The following DISP1 variants were observed in gnomAD, a reference collection of about 807,000 sequenced individuals.
The protein encoded by DISP1 is protein dispatched homolog 1.
In DISP1, 30 loss-of-function variants were observed where a neutral mutation model predicts 37.3. That is an observed-to-expected ratio of 0.80 (90% CI 0.60 to 1.09). The LOEUF is 1.09. Among genes scored for constraint, DISP1 ranks in the 50% least tolerant of loss-of-function variants. The pLI, the probability that DISP1 is intolerant of heterozygous loss-of-function variation, is 0.00. For missense variants in DISP1, 1,598 were observed against 1,879.5 expected (o/e 0.85, Z 2.77); for synonymous variants, 634 against 690.2 (o/e 0.92, Z 1.28).
chr1:222,816,072 AATATATATAT>A (rs68057775), intron 1 of DISP1, among the ~76,000 whole-genome samples: 28,384 of 144,024 alleles, frequency 0.2, 3,634 homozygotes, highest in African/African-American at 0.36. Context: ...GCTGTAAGGA[AATATATATAT>A]ATATATATAT....
In DISP1 at chr1:223,004,499, C is replaced by A. The variant is rs746654675; in HGVS notation, c.3102C>A (p.Leu1034=). The part of the protein sequence containing the change: ...VGSLVLLGWE[L]NVLESVTISV... ...CTCTTGTCCTGCTGGGCTGGGAGCT[C>A]AATGTGTTGGAATCTGTCACCATTT... Residue 1034 remains leucine, a synonymous_variant, in exon 9 of 9, where the codon CTC becomes CTA. Coordinates refer to ENST00000675850, the MANE Select transcript of DISP1 (RefSeq NM_001377229.1). The surrounding 1 kb of genome is among the most constrained non-coding windows in gnomAD (Gnocchi z 4.9). The A allele has an allele frequency of 3.7e-6, 6 of 1,614,100 alleles. No individual in the cohort carries two copies. In the African/African-American group the frequency reaches 8.0e-5, roughly 22 times the overall value.
In DISP1 at chr1:222,832,529, A is replaced by C. The variant is rs183873843; in HGVS notation, c.-159+17451A>C. 1.5e-3 allele frequency among the ~76,000 whole-genome samples: 221 copies of C among 152,340 alleles called. 1 individual carries two copies. Among genetic ancestry groups the C allele is most frequent in the African/African-American group, 5.1e-3 (213 of 41,572 alleles). ...AGAAGTTTTTTAGTTGAGACCTTTT[A>C]AAATGCAGGATTACTTTAGCTAATT... is the stretch of plus-strand genomic sequence containing the variant. On this transcript the variant is annotated intron_variant, in intron 1 of 8. Transcript: ENST00000675850.
chr1:222,990,869 C>T, intron 5 of DISP1, 121 bp downstream of exon 5: 1 of 1,356,668 alleles, frequency 7.4e-7, no homozygotes, highest in South Asian at 1.2e-5. Context: ...AGCAACAATT[C>T]TCTTTCTGAA....
intron 3 of DISP1, among the ~76,000 whole-genome samples, chr1:222,961,588 A>G (rs757296958): frequency 7.2e-5 from 11 of 152,348 alleles, no homozygotes; most frequent in Non-Finnish European, 1.3e-4. Context: ...CGCCACTCCT[A>G]TTCAATATAG....
intron 1 of DISP1, among the ~76,000 whole-genome samples, chr1:222,826,813 A>G (rs1427698250): frequency 1.3e-5 from 2 of 152,184 alleles, no homozygotes; most frequent in African/African-American, 2.4e-5. Flanking sequence ...GCTACTAACT[A>G]AAATGTAATT....
intron 1 of DISP1, among the ~76,000 whole-genome samples, chr1:222,818,943 A>C (rs982337295): frequency 6.6e-6 from 1 of 152,196 alleles, no homozygotes; most frequent in Non-Finnish European, 1.5e-5. Flanking sequence ...TTGCATAGTC[A>C]ATAGGAGAAT....
At chr1:222,979,653 C>A (rs1204861389) in intron 3 of DISP1, 2 of 471,076 alleles carry the variant, frequency 4.2e-6, no homozygotes, top group South Asian at 1.5e-5. Context: ...TGCTTCATGG[C>A]TTCTTCAGAT....
At chr1:222,936,946 AT>A (rs1333917863) in intron 2 of DISP1, among the ~76,000 whole-genome samples, 1 of 82,958 alleles carries the variant, frequency 1.2e-5, no homozygotes, top group Non-Finnish European at 2.3e-5. Flanking sequence ...TATATTATAT[AT>A]TACATATTAT....
rs749324608 is a variant in DISP1 at position 223,004,867 on chromosome 1, C to T, written c.3470C>T (p.Ala1157Val). 1.9e-6 allele frequency: 3 copies of T among 1,609,028 alleles called. No homozygotes were observed. Among genetic ancestry groups the T allele is most frequent in the South Asian group, 1.1e-5 (1 of 91,084 alleles). ...CTACAGTGCAGTGCCTTTTCCCATG[C>T]CTTGTCTACAAGTCCCAGTGACAAG... The part of the protein sequence containing the change: ...KKLQCSAFSH[A>V]LSTSPSDKGQ... Residue 1157 changes from alanine to valine, a missense_variant, in exon 9 of 9, where the codon GCC (alanine) becomes GTC (valine). Coordinates refer to ENST00000675850, the MANE Select transcript of DISP1 (RefSeq NM_001377229.1). This position sits in a 1 kb window ranked among gnomAD's most constrained non-coding sequence, Gnocchi z 4.9.
chr1:222,964,187 T>C (rs1211663334), intron 3 of DISP1, among the ~76,000 whole-genome samples: 3 of 151,694 alleles, frequency 2.0e-5, no homozygotes. Flanking sequence ...TAGTTCCAGC[T>C]ACTTGGGAGC....
intron 3 of DISP1, among the ~76,000 whole-genome samples, chr1:222,962,549 C>T (rs775863874): frequency 6.6e-6 from 1 of 152,162 alleles, no homozygotes; most frequent in African/African-American, 2.4e-5. Flanking sequence ...GCTACAGTAA[C>T]CAAAACAGCA....
Position 222,893,654 on chromosome 1 carries a change from T to C in DISP1, c.-158-34776T>C, listed in dbSNP as rs1671070617. On this transcript the variant is annotated intron_variant, in intron 1 of 8. Transcript: ENST00000675850. This position sits in a 1 kb window ranked among gnomAD's most constrained non-coding sequence, Gnocchi z 4.3. ...GCAGCTTCCACTGCGGGCACCCATG[T>C]CTGGATGAGGGGAATGTGGTGGTGC... is the stretch of plus-strand genomic sequence containing the variant. 6.6e-6 allele frequency among the ~76,000 whole-genome samples: 1 copy of C among 152,148 alleles called. No homozygotes were observed. The highest frequency in any genetic ancestry group is 1.5e-5 in the Non-Finnish European group (1 of 68,014).
chr1:222,860,608 C>T (rs532480927), intron 1 of DISP1, among the ~76,000 whole-genome samples: 7 of 152,004 alleles, frequency 4.6e-5, no homozygotes, highest in South Asian at 4.2e-4. Context: ...TTGCTAGGGC[C>T]GGGTGCGGTC....
intron 1 of DISP1, chr1:222,835,361 T>G (rs1666786004): frequency 6.6e-6 from 1 of 152,244 alleles, no homozygotes; most frequent in Non-Finnish European, 1.5e-5. Flanking sequence ...ATTCACTCCG[T>G]ATTGGAGTTT....
In DISP1 at chr1:223,004,557, G is replaced by C; in HGVS notation, c.3160G>C (p.Val1054Leu). ...CGTCGGCTTGTCTGTAGACTTTGCC[G>C]TCCATTATGGGGTTGCCTACCGCTT... ...VAVGLSVDFA[V>L]HYGVAYRLAP... The change falls in exon 9 of 9, where the codon GTC becomes CTC. Residue 1054 changes from valine to leucine, a missense_variant. Coordinates refer to ENST00000675850, the MANE Select transcript of DISP1 (RefSeq NM_001377229.1). This position sits in a 1 kb window ranked among gnomAD's most constrained non-coding sequence, Gnocchi z 4.9. 6.2e-7 allele frequency: 1 copy of C among 1,614,138 alleles called. No homozygotes were observed. The highest frequency in any genetic ancestry group is 8.5e-7 in the Non-Finnish European group (1 of 1,180,028).
intron 4 of DISP1, among the ~76,000 whole-genome samples, chr1:222,988,137 G>A (rs1037749331): frequency 1.3e-5 from 2 of 152,132 alleles, no homozygotes; most frequent in African/African-American, 4.8e-5. Flanking sequence ...ATTCTAAAAG[G>A]TTATTCTGTC....
intron 1 of DISP1, among the ~76,000 whole-genome samples, chr1:222,924,076 T>C (rs748133071): frequency 1.3e-5 from 2 of 152,140 alleles, no homozygotes; most frequent in Non-Finnish European, 2.9e-5. Flanking sequence ...CAACAGGAAA[T>C]GAGATAAGAA....
At chr1:222,906,621 C>T (rs1671908601) in intron 1 of DISP1, among the ~76,000 whole-genome samples, 1 of 152,226 alleles carries the variant, frequency 6.6e-6, no homozygotes, top group Non-Finnish European at 1.5e-5. Flanking sequence ...TACACTCCCA[C>T]CAGCGCCATG....
chr1:222,864,931 C>T (rs1669100067), intron 1 of DISP1, among the ~76,000 whole-genome samples: 1 of 152,018 alleles, frequency 6.6e-6, no homozygotes, highest in African/African-American at 2.4e-5. Context: ...TGGGGAAAAG[C>T]AGTAGGGTTT....
Sources: gnomAD v4.1 joint callset for allele counts (sites outside exome capture counted in the v4.1 genomes callset) on GRCh38, gnomAD v4.1.1 for gene constraint, Gnocchi (gnomAD v3.1) non-coding constraint, MANE v1.5 for transcripts, NCBI Gene and HGNC (gene_info 2026-07-23, HGNC 2026-07-21) for gene names.